Variants in TMEM108 observed in about 807,000 individuals in gnomAD.
TMEM108 encodes transmembrane protein 108, also known as cancer/testis antigen 124.
In TMEM108, 12 loss-of-function variants were observed where a neutral mutation model predicts 35.1. That is an observed-to-expected ratio of 0.34 (90% confidence interval 0.22 to 0.55). The LOEUF (loss-of-function observed/expected upper bound fraction) is 0.55. Among genes scored for constraint, TMEM108 ranks in the 20% least tolerant of loss-of-function variants. The pLI, the probability that TMEM108 is intolerant of heterozygous loss-of-function variation, is 0.89. For missense variants in TMEM108, 680 were observed against 753.3 expected (o/e 0.90, Z 1.14); for synonymous variants, 287 against 308.6 (o/e 0.93, Z 0.73).
chr3:133,204,069 AGTTT>A (rs1945713749), intron 2 of TMEM108, among the ~76,000 whole-genome samples: 1 of 151,852 alleles, frequency 6.6e-6, no homozygotes, highest in African/African-American at 2.4e-5. Flanking sequence ...TAGATTTTCT[AGTTT>A]GTTTGTGTAG....
intron 2 of TMEM108, among the ~76,000 whole-genome samples, chr3:133,063,167 C>A (rs1382258689): frequency 2.0e-5 from 3 of 151,830 alleles, no homozygotes; most frequent in African/African-American, 7.3e-5. Flanking sequence ...TGGTGTGTGA[C>A]CTTGGAGTTA....
chr3:133,254,013 A>C (rs1946509050), intron 3 of TMEM108, among the ~76,000 whole-genome samples: 1 of 152,174 alleles, frequency 6.6e-6, no homozygotes, highest in South Asian at 2.1e-4. Context: ...CATGTAAAGG[A>C]ATATATGTCA....
At chr3:133,134,906 G>A (rs891498694) in intron 2 of TMEM108, among the ~76,000 whole-genome samples, 5 of 151,786 alleles carry the variant, frequency 3.3e-5, no homozygotes, top group African/African-American at 1.2e-4. Flanking sequence ...CTGTTTAGAG[G>A]TTGTTTGCTC....
At chr3:133,389,069 T>C (rs2073195138) in intron 4 of TMEM108, 2 of 985,494 alleles carry the variant, frequency 2.0e-6, no homozygotes, top group Non-Finnish European at 2.4e-6. Flanking sequence ...CAGGATATAC[T>C]CAGTCCTCAC....
intron 3 of TMEM108, among the ~76,000 whole-genome samples, chr3:133,310,691 G>A (rs1375351046): frequency 6.6e-6 from 1 of 151,776 alleles, no homozygotes; most frequent in Non-Finnish European, 1.5e-5. Flanking sequence ...GCCAGTCTGT[G>A]TCTTTTAATT....
At chr3:133,289,078 T>A (rs922595455) in intron 3 of TMEM108, among the ~76,000 whole-genome samples, 2 of 152,130 alleles carry the variant, frequency 1.3e-5, no homozygotes, top group African/African-American at 4.8e-5. Context: ...AATATAGAAA[T>A]ATTTCCAGAT....
At chr3:133,073,510 C>CTCTCTCTATATATATATA in intron 2 of TMEM108, among the ~76,000 whole-genome samples, 98 of 43,872 alleles carry the variant, frequency 2.2e-3, no homozygotes, top group Non-Finnish European at 3.0e-3. Context: ...CTCTCTCTCT[C>CTCTCTCTATATATATATA]TATATATATA....
intron 2 of TMEM108, among the ~76,000 whole-genome samples, chr3:133,094,214 A>ACC (rs1943982894): frequency 2.8e-5 from 1 of 35,196 alleles, no homozygotes; most frequent in Admixed American, 2.8e-4. Flanking sequence ...TCCCCTTCCC[A>ACC]CCTCCCACCC....
intron 3 of TMEM108, among the ~76,000 whole-genome samples, chr3:133,315,374 T>C (rs1242833099): frequency 6.6e-6 from 1 of 152,216 alleles, no homozygotes; most frequent in Admixed American, 6.5e-5. Context: ...TTGTGCATTT[T>C]GTTACCTTAA....
At chr3:133,294,883 A>G (rs1947121618) in intron 3 of TMEM108, among the ~76,000 whole-genome samples, 1 of 152,196 alleles carries the variant, frequency 6.6e-6, no homozygotes, top group Admixed American at 6.5e-5. Context: ...TGCCATTTCA[A>G]TCTAATGAGA....
chr3:133,040,075 A>T (rs1943254665), intron 1 of TMEM108, among the ~76,000 whole-genome samples: 1 of 152,248 alleles, frequency 6.6e-6, no homozygotes, highest in Non-Finnish European at 1.5e-5. Flanking sequence ...AGTTGCTGCA[A>T]AGCTCATTTA....
intron 2 of TMEM108, among the ~76,000 whole-genome samples, chr3:133,223,653 C>T (rs914004151): frequency 7.9e-5 from 12 of 152,024 alleles, no homozygotes; most frequent in African/African-American, 2.4e-4. Context: ...TCCAAAGCAG[C>T]GCAATTGACC....
At chr3:133,106,906 A>G (rs1944159756) in intron 2 of TMEM108, among the ~76,000 whole-genome samples, 1 of 152,212 alleles carries the variant, frequency 6.6e-6, no homozygotes, top group African/African-American at 2.4e-5. Context: ...AACTATGTGA[A>G]ATAATAGACG....
intron 2 of TMEM108, among the ~76,000 whole-genome samples, chr3:133,180,176 T>C (rs1169892272): frequency 6.6e-6 from 1 of 152,206 alleles, no homozygotes; most frequent in Non-Finnish European, 1.5e-5. Flanking sequence ...AGCTTCATTC[T>C]ATCTAATGTG....
chr3:133,288,564 T>C (rs1245334374), intron 3 of TMEM108, among the ~76,000 whole-genome samples: 1 of 152,090 alleles, frequency 6.6e-6, no homozygotes, highest in Non-Finnish European at 1.5e-5. Flanking sequence ...TGATCATGGG[T>C]GTACCTTTAT....
chr3:133,257,141 C>T (rs1247913136), intron 3 of TMEM108: 1 of 152,138 alleles, frequency 6.6e-6, no homozygotes, highest in Admixed American at 6.5e-5. Context: ...TCTTAATATT[C>T]ATAACCTAAG....
chr3:133,377,986 A>G (rs1401630570), intron 3 of TMEM108, among the ~76,000 whole-genome samples: 2 of 123,000 alleles, frequency 1.6e-5, no homozygotes, highest in Non-Finnish European at 3.5e-5. Flanking sequence ...GTTTCATCCC[A>G]AAACCATACC....
In TMEM108 at chr3:133,356,808, C is replaced by A. The variant is rs191736608; in HGVS notation, c.41-22944C>A. 6.8e-3 allele frequency among the ~76,000 whole-genome samples: 1,028 copies of A among 152,216 alleles called. 17 individuals carry two copies. The highest frequency in any genetic ancestry group is 0.023 in the African/African-American group (966 of 41,536). Reference sequence around the variant, plus strand: ...CTGAATCCCTATCCCTCGCCTTATACAAAAATCAACTCAAGATGGATCAGA... The same window carrying A: ...CTGAATCCCTATCCCTCGCCTTATAAAAAAATCAACTCAAGATGGATCAGA... On this transcript the variant is annotated intron_variant, in intron 3 of 5. Transcript: ENST00000321871.
At chr3:133,367,353 G>A (rs950180312) in intron 3 of TMEM108, among the ~76,000 whole-genome samples, 1 of 152,190 alleles carries the variant, frequency 6.6e-6, no homozygotes, top group African/African-American at 2.4e-5. Flanking sequence ...TGGGGAGGGT[G>A]GTAGATAGTG....
Sources: allele counts gnomAD v4.1 joint callset (sites outside exome capture counted in the v4.1 genomes callset), GRCh38; gene constraint gnomAD v4.1.1; transcripts MANE v1.5; gene names NCBI Gene and HGNC (gene_info 2026-07-23, HGNC 2026-07-21).